AUTS2: variants seen among roughly 807,000 people sequenced by gnomAD.
AUTS2 encodes activator of transcription and developmental regulator AUTS2, also known as autism susceptibility gene 2 protein.
Under a neutral mutation model 112.4 loss-of-function variants are expected in AUTS2, and 17 were observed. The ratio of observed to expected loss-of-function variants is 0.15; its 90% CI spans 0.10 to 0.23. The LOEUF (loss-of-function observed/expected upper bound fraction) is 0.23. Among genes scored for constraint, AUTS2 ranks in the 10% least tolerant of loss-of-function variants. The pLI is 1.00. For missense variants in AUTS2, 1,510 were observed against 1,701.6 expected (o/e 0.89, Z 1.98); for synonymous variants, 751 against 702.7 (o/e 1.07, Z -1.09).
intron 5 of AUTS2, among the ~76,000 whole-genome samples, chr7:70,665,423 C>T (rs1807282634): frequency 7.0e-6 from 1 of 143,086 alleles, no homozygotes; most frequent in South Asian, 2.3e-4. Flanking sequence ...ATCACCATGA[C>T]CAGCTGTTTA....
intron 6 of AUTS2, among the ~76,000 whole-genome samples, chr7:70,716,105 T>C (rs1288650512): frequency 6.6e-6 from 1 of 152,196 alleles, no homozygotes; most frequent in Non-Finnish European, 1.5e-5. Flanking sequence ...CTGGGTACTT[T>C]TCAGGAAAGG....
intron 4 of AUTS2, among the ~76,000 whole-genome samples, chr7:70,238,641 C>A (rs937182799): frequency 5.9e-5 from 9 of 151,586 alleles, no homozygotes; most frequent in Non-Finnish European, 5.9e-5. Flanking sequence ...ATAGACAGTA[C>A]CCCCTCTGAG....
chr7:70,390,145 G>T (rs1793788727), intron 4 of AUTS2, among the ~76,000 whole-genome samples: 1 of 152,216 alleles, frequency 6.6e-6, no homozygotes, highest in African/African-American at 2.4e-5. Context: ...ATGCACCGAA[G>T]AAGAGAATAT....
chr7:69,677,453 A>G (rs1324172086), intron 1 of AUTS2, among the ~76,000 whole-genome samples: 1 of 152,212 alleles, frequency 6.6e-6, no homozygotes, highest in Non-Finnish European at 1.5e-5. Flanking sequence ...CCCCAGCATT[A>G]ACCCAGCCTT....
intron 4 of AUTS2, among the ~76,000 whole-genome samples, chr7:70,309,361 T>C (rs1399746585): frequency 1.3e-5 from 2 of 152,174 alleles, no homozygotes; most frequent in Non-Finnish European, 2.9e-5. Flanking sequence ...ACTTCTCTAA[T>C]AGAGTTAGGT....
intron 4 of AUTS2, among the ~76,000 whole-genome samples, chr7:70,318,532 G>A (rs1431875377): frequency 1.3e-5 from 2 of 152,098 alleles, no homozygotes; most frequent in East Asian, 1.9e-4. Flanking sequence ...GGCATGTTAA[G>A]CTGTCATATC....
intron 5 of AUTS2, among the ~76,000 whole-genome samples, chr7:70,555,630 G>A (rs1801214319): frequency 6.6e-6 from 1 of 152,134 alleles, no homozygotes; most frequent in South Asian, 2.1e-4. Context: ...GCTTTGGGAA[G>A]TCTAACCTTC....
intron 2 of AUTS2, among the ~76,000 whole-genome samples, chr7:70,075,679 C>G (rs1374480169): frequency 6.6e-6 from 1 of 151,986 alleles, no homozygotes; most frequent in Non-Finnish European, 1.5e-5. Context: ...ATCAAAAGGT[C>G]TGAATACTTC....
chr7:70,752,235 A>G (rs1322460943), intron 6 of AUTS2, among the ~76,000 whole-genome samples: 1 of 152,090 alleles, frequency 6.6e-6, no homozygotes, highest in South Asian at 2.1e-4. Flanking sequence ...GCTAATAAAT[A>G]TTGAGGCTGG....
intron 2 of AUTS2, among the ~76,000 whole-genome samples, chr7:69,945,725 T>C (rs1420144280): frequency 6.6e-6 from 1 of 152,176 alleles, no homozygotes; most frequent in Non-Finnish European, 1.5e-5. Flanking sequence ...TGACTGTACA[T>C]TAGATCTTGA....
rs148094785 is a variant in AUTS2 at position 70,154,874 on chromosome 7, G to A, written c.660+20303G>A. Among the ~76,000 whole-genome samples, 1,313 of 152,216 alleles carry A rather than the reference G, an allele frequency of 8.6e-3. 11 individuals are homozygous for A. The highest frequency in any genetic ancestry group is 0.02 in the Middle Eastern group (6 of 294). On this transcript the variant is annotated intron_variant, in intron 4 of 18. Coordinates refer to ENST00000342771, the MANE Select transcript of AUTS2 (RefSeq NM_015570.4). Reference sequence around the variant, plus strand: ...TTTTTTTTCCCTTTTAGTATTGGAAGGATATAATTGATACTTGCTTTCTTG... The same window carrying A: ...TTTTTTTTCCCTTTTAGTATTGGAAAGATATAATTGATACTTGCTTTCTTG...
chr7:70,230,235 T>C (rs1655441640), intron 4 of AUTS2, among the ~76,000 whole-genome samples: 1 of 152,198 alleles, frequency 6.6e-6, no homozygotes, highest in Admixed American at 6.5e-5. Context: ...CTAGAGTTAA[T>C]GGTTGTTTCT....
chr7:70,032,283 G>A (rs1324230911), intron 2 of AUTS2, among the ~76,000 whole-genome samples: 3 of 152,070 alleles, frequency 2.0e-5, no homozygotes, highest in Non-Finnish European at 4.4e-5. Context: ...TCACTGAAAT[G>A]AATAGGCTCA....
chr7:69,762,234 G>T (rs2129287530), intron 1 of AUTS2, among the ~76,000 whole-genome samples: 1 of 146,340 alleles, frequency 6.8e-6, no homozygotes, highest in East Asian at 2.0e-4. Context: ...TATTTATAGG[G>T]TTCTTTCCAG....
At chr7:69,729,765 A>G (rs1199880131) in intron 1 of AUTS2, among the ~76,000 whole-genome samples, 1 of 152,108 alleles carries the variant, frequency 6.6e-6, no homozygotes, top group Non-Finnish European at 1.5e-5. Flanking sequence ...TTTACACTGT[A>G]TATGATCCTC....
chr7:70,414,478 G>A (rs1223394915), intron 4 of AUTS2, among the ~76,000 whole-genome samples: 1 of 152,168 alleles, frequency 6.6e-6, no homozygotes, highest in Non-Finnish European at 1.5e-5. Context: ...GCTTAGAACT[G>A]GGAGGCAGGA....
intron 1 of AUTS2, among the ~76,000 whole-genome samples, chr7:69,843,727 C>T (rs7783532): frequency 6.4e-4 from 97 of 152,250 alleles, no homozygotes; most frequent in Non-Finnish European, 1.1e-3. Context: ...TGGTAACCTT[C>T]TCATGGCCCT....
intron 10 of AUTS2, among the ~76,000 whole-genome samples, chr7:70,768,877 CTT>C (rs66614263): frequency 2.8e-4 from 30 of 108,184 alleles, no homozygotes; most frequent in Admixed American, 4.0e-4. Context: ...CCAGTGATTT[CTT>C]TTTTTTTTTT....
At chr7:70,451,446 A>G (rs75679156) in intron 5 of AUTS2, among the ~76,000 whole-genome samples, 1 of 151,508 alleles carries the variant, frequency 6.6e-6, no homozygotes, top group African/African-American at 2.4e-5. Flanking sequence ...TTTTTTTTTT[A>G]CTGTACATAT....
Sources: allele counts gnomAD v4.1 joint callset (sites outside exome capture counted in the v4.1 genomes callset), GRCh38; gene constraint gnomAD v4.1.1; transcripts MANE v1.5; gene names NCBI Gene and HGNC (gene_info 2026-07-23, HGNC 2026-07-21).